The following CADPS2 variants were observed in gnomAD, a reference collection of about 807,000 sequenced individuals.
CADPS2 encodes calcium-dependent secretion activator 2.
CADPS2 carries 93 observed loss-of-function variants against 172.5 expected under a neutral mutation model. The ratio of observed to expected loss-of-function variants is 0.54; its 90% CI spans 0.46 to 0.64. The LOEUF (loss-of-function observed/expected upper bound fraction) is 0.64. Ranked by LOEUF, CADPS2 falls within the 30% of genes least tolerant of loss-of-function variation. The probability of loss-of-function intolerance (pLI) is 0.00; values close to 1 mark genes in which losing one functional copy is unlikely to be tolerated. For synonymous variants in CADPS2, 546 were observed against 555.2 expected (o/e 0.98, Z 0.23); for missense variants, 1,420 against 1,565.9 (o/e 0.91, Z 1.57).
chr7:122,320,247 TCTA>T lies in CADPS2; in HGVS notation c.3806_3808del (p.Val1269del). On this transcript the variant is annotated inframe_deletion, in exon 30 of 30. Coordinates refer to ENST00000449022, the MANE Select transcript of CADPS2 (RefSeq NM_017954.11). The stretch of plus-strand genomic sequence containing the variant: ...TTCTGAAACAGAGGCTGTGGCCTCC[TCTA>T]CTGTTAAACGTCTGTGCACAGTATC... The T allele has an allele frequency of 1.2e-6, 2 of 1,613,736 alleles. No homozygotes were observed. Among genetic ancestry groups the T allele is most frequent in the Non-Finnish European group, 1.7e-6 (2 of 1,179,736 alleles).
chr7:122,708,239 C>T (rs2087921705), intron 2 of CADPS2, among the ~76,000 whole-genome samples: 1 of 151,436 alleles, frequency 6.6e-6, no homozygotes, highest in Non-Finnish European at 1.5e-5. Flanking sequence ...CAATATCTAC[C>T]ACATCATAGG....
intron 3 of CADPS2, among the ~76,000 whole-genome samples, chr7:122,645,514 TTATA>T (rs376523760): frequency 1.3e-4 from 15 of 112,212 alleles, no homozygotes; most frequent in African/African-American, 3.7e-4. Context: ...ATATATATAC[TTATA>T]TATATATAAG....
intron 1 of CADPS2, among the ~76,000 whole-genome samples, chr7:122,770,150 C>G (rs2093665177): frequency 6.6e-6 from 1 of 152,244 alleles, no homozygotes. Flanking sequence ...CCTCAGCACA[C>G]CTTACCTCAC....
intron 8 of CADPS2, among the ~76,000 whole-genome samples, chr7:122,550,763 GAC>G (rs10606400): frequency 0.61 from 91,932 of 151,420 alleles, 28,331 homozygotes; most frequent in African/African-American, 0.73. Flanking sequence ...TCATGCTACA[GAC>G]ACACACACAC....
At chr7:122,793,825 G>A (rs1795797313) in intron 1 of CADPS2, among the ~76,000 whole-genome samples, 1 of 152,024 alleles carries the variant, frequency 6.6e-6, no homozygotes, top group African/African-American at 2.4e-5. Context: ...CATGTCTGGT[G>A]GTAATGGACT....
At chr7:122,593,016 A>G (rs747250592) in intron 6 of CADPS2, among the ~76,000 whole-genome samples, 36 of 151,612 alleles carry the variant, frequency 2.4e-4, no homozygotes, top group Admixed American at 2.6e-4. Flanking sequence ...ATAAATAAAT[A>G]AATGTATTTG....
chr7:122,637,869 T>G (rs1285540189), intron 3 of CADPS2, among the ~76,000 whole-genome samples: 1 of 152,236 alleles, frequency 6.6e-6, no homozygotes, highest in East Asian at 1.9e-4. Context: ...GCCAAGGCTC[T>G]GTACATAATC....
chr7:122,674,576 T>C (rs1396601740), intron 2 of CADPS2, among the ~76,000 whole-genome samples: 1 of 152,228 alleles, frequency 6.6e-6, no homozygotes, highest in East Asian at 1.9e-4. Flanking sequence ...CAAGAAACTA[T>C]ATCTGCCAAA....
chr7:122,813,763 A>G (rs1299975152), intron 1 of CADPS2, among the ~76,000 whole-genome samples: 2 of 152,166 alleles, frequency 1.3e-5, no homozygotes, highest in Non-Finnish European at 2.9e-5. Flanking sequence ...GCACAATAAA[A>G]GACAGTGGAT....
At chr7:122,871,037 TTGA>T (rs2141487676) in intron 1 of CADPS2, among the ~76,000 whole-genome samples, 1 of 152,110 alleles carries the variant, frequency 6.6e-6, no homozygotes, top group Admixed American at 6.6e-5. Context: ...AATCACTTTA[TTGA>T]TGAAGATACA....
At chr7:122,629,875 A>G (rs2076413445) in intron 3 of CADPS2, among the ~76,000 whole-genome samples, 1 of 152,132 alleles carries the variant, frequency 6.6e-6, no homozygotes, top group South Asian at 2.1e-4. Flanking sequence ...GATTGGCACC[A>G]TATTAGAAAT....
chr7:122,676,257 A>AG (rs2082370565), intron 2 of CADPS2, among the ~76,000 whole-genome samples: 1 of 152,186 alleles, frequency 6.6e-6, no homozygotes, highest in Admixed American at 6.5e-5. Context: ...AAAATAACTA[A>AG]GGGGGAGTAT....
intron 3 of CADPS2, among the ~76,000 whole-genome samples, chr7:122,632,577 G>T (rs1269992643): frequency 6.6e-6 from 1 of 152,074 alleles, no homozygotes; most frequent in Non-Finnish European, 1.5e-5. Flanking sequence ...TAAGTTCCTT[G>T]TAGATATCTG....
At chr7:122,365,492 A>G (rs1411649924) in intron 25 of CADPS2, among the ~76,000 whole-genome samples, 1 of 152,222 alleles carries the variant, frequency 6.6e-6, no homozygotes, top group Non-Finnish European at 1.5e-5. Flanking sequence ...CTGGCTTTTA[A>G]TTGCATAAAA....
intron 29 of CADPS2, among the ~76,000 whole-genome samples, chr7:122,320,902 T>C (rs1031330946): frequency 3.3e-5 from 5 of 152,194 alleles, no homozygotes; most frequent in African/African-American, 1.2e-4. Context: ...TGGATGAATT[T>C]TGCCCTTTTC....
chr7:122,447,875 C>CT (rs1275065765), intron 15 of CADPS2, among the ~76,000 whole-genome samples: 2 of 151,956 alleles, frequency 1.3e-5, no homozygotes, highest in Non-Finnish European at 2.9e-5. Flanking sequence ...CTTAGATCCT[C>CT]TTTGTTTCCC....
intron 2 of CADPS2, among the ~76,000 whole-genome samples, chr7:122,733,525 G>C (rs2091879353): frequency 7.6e-6 from 1 of 131,906 alleles, no homozygotes; most frequent in Admixed American, 7.4e-5. Flanking sequence ...GATCCCAAAA[G>C]AGCCAATCCT....
chr7:122,320,319 C>G lies in CADPS2; in HGVS notation c.3737G>C (p.Arg1246Pro). The G allele has an allele frequency of 6.3e-7, 1 of 1,599,978 alleles. No individual in the cohort carries two copies. Among genetic ancestry groups the G allele is most frequent in the Non-Finnish European group, 8.5e-7 (1 of 1,173,430 alleles). ...KIVKKTYRDF[R>P]LQGVLEGTLN... ...TGTTCCTTCCAACACACCCTGCAAT[C>G]GAAAGTCCCTGTAGGTTTTCTGAAG... The change falls in exon 30 of 30, where the codon CGA (arginine) becomes CCA (proline). Residue 1246 changes from arginine (R) to proline (P), a missense_variant. Arg to Pro is a moderately radical substitution (Grantham distance 103, BLOSUM62 -2). Coordinates refer to ENST00000449022, the MANE Select transcript of CADPS2 (RefSeq NM_017954.11).
chr7:122,825,358 C>G (rs547332679), intron 1 of CADPS2, among the ~76,000 whole-genome samples: 1 of 152,270 alleles, frequency 6.6e-6, no homozygotes, highest in African/African-American at 2.4e-5. Flanking sequence ...AGGAAAAGCT[C>G]TAGATCTCTC....
Sources: allele counts gnomAD v4.1 joint callset (sites outside exome capture counted in the v4.1 genomes callset), GRCh38; gene constraint gnomAD v4.1.1; transcripts MANE v1.5; gene names NCBI Gene and HGNC (gene_info 2026-07-23, HGNC 2026-07-21).